The following RASEF variants were observed in gnomAD, a reference collection of about 807,000 sequenced individuals.
The protein encoded by RASEF is ras and EF-hand domain-containing protein.
RASEF carries 68 observed loss-of-function variants against 90.1 expected under a neutral mutation model. The ratio of observed to expected loss-of-function variants is 0.75; its 90% confidence interval spans 0.62 to 0.92. The LOEUF (loss-of-function observed/expected upper bound fraction) is 0.92, where lower values mean the gene tolerates loss of function less well. Ranked by LOEUF, RASEF falls within the 40% of genes least tolerant of loss-of-function variation. The probability of loss-of-function intolerance (pLI) is 0.00; values close to 1 mark genes in which losing one functional copy is unlikely to be tolerated. For synonymous variants in RASEF, 331 were observed against 345.2 expected (o/e 0.96, Z 0.46); for missense variants, 949 against 937.2 (o/e 1.01, Z -0.16).
chr9:83,025,741 C>A (rs1829532835), intron 2 of RASEF, 34 bp downstream of exon 2: 1 of 1,605,312 alleles, frequency 6.2e-7, no homozygotes, highest in African/African-American at 1.3e-5. Flanking sequence ...GTTAAAGCAC[C>A]CACAGGCCAC....
At chr9:83,012,059 CG>C (rs1019617957) in intron 5 of RASEF, among the ~76,000 whole-genome samples, 6 of 150,338 alleles carry the variant, frequency 4.0e-5, no homozygotes, top group Non-Finnish European at 8.9e-5. Context: ...ATGTGGCTGG[CG>C]TAAGATGGAA....
the RASEF span, among the ~76,000 whole-genome samples, chr9:83,180,251 G>A: frequency 1.3e-5 from 2 of 152,070 alleles, no homozygotes; most frequent in African/African-American, 2.4e-5. Context: ...TATTAGGATA[G>A]TTAAAAATAA....
chr9:83,181,484 A>G, the RASEF span, among the ~76,000 whole-genome samples: 1 of 152,192 alleles, frequency 6.6e-6, no homozygotes, highest in Non-Finnish European at 1.5e-5. Context: ...TGCGATTCCC[A>G]TTAGACAGAT....
chr9:83,139,064 G>A, the RASEF span, among the ~76,000 whole-genome samples: 42 of 152,204 alleles, frequency 2.8e-4, no homozygotes, highest in Admixed American at 9.8e-4. Flanking sequence ...TTCCCAGTTT[G>A]TGTCTTCCTG....
At chr9:83,089,960 A>C in the RASEF span, among the ~76,000 whole-genome samples, 1 of 152,154 alleles carries the variant, frequency 6.6e-6, no homozygotes, top group Non-Finnish European at 1.5e-5. Context: ...AGATATATAG[A>C]TATAGATAGA....
chr9:83,101,193 C>A, the RASEF span, among the ~76,000 whole-genome samples: 3 of 152,120 alleles, frequency 2.0e-5, no homozygotes, highest in Non-Finnish European at 4.4e-5. Context: ...ACATGGAGAC[C>A]ACTGAAAAAG....
At chr9:83,116,104 G>T in the RASEF span, among the ~76,000 whole-genome samples, 1 of 152,154 alleles carries the variant, frequency 6.6e-6, no homozygotes, top group Non-Finnish European at 1.5e-5. Flanking sequence ...TTCATTTCCA[G>T]TTTTATCATT....
At chr9:83,005,318 C>T (rs1180603983) in intron 8 of RASEF, 98 bp downstream of exon 8, 1 of 843,780 alleles carries the variant, frequency 1.2e-6, no homozygotes, top group Non-Finnish European at 2.0e-6. Context: ...TAAGGACTTA[C>T]TTGAGGCTCT....
the RASEF span, among the ~76,000 whole-genome samples, chr9:83,196,768 TC>T: frequency 2.2e-4 from 34 of 152,196 alleles, no homozygotes; most frequent in African/African-American, 8.0e-4. Flanking sequence ...AATTATTGAC[TC>T]CCTAAATTTC....
rs570889525 is a variant in RASEF, at chr9:82,991,359, G to A, written c.2041-892C>T. The stretch of plus-strand genomic sequence containing the variant: ...GGACTTCCCATCATAAACTTTCATA[G>A]CACTCTGCGATCCTCATGCACAGCA... On this transcript the variant is annotated intron_variant, in intron 15 of 16. Coordinates refer to ENST00000376447, the MANE Select transcript of RASEF (RefSeq NM_152573.4). Among the ~76,000 whole-genome samples the A allele has an allele frequency of 1.2e-3, 183 of 152,262 alleles. 1 individual carries two copies. Among genetic ancestry groups the A allele is most frequent in the African/African-American group, 4.3e-3 (180 of 41,538 alleles).
At chr9:83,128,025 C>CTTTTTTTTTTTTTTTTTTTTTTTTTT in the RASEF span, among the ~76,000 whole-genome samples, 1 of 134,724 alleles carries the variant, frequency 7.4e-6, no homozygotes, top group Non-Finnish European at 1.6e-5. Context: ...TTTTTCTTTT[C>CTTTTTTTTTTTTTTTTTTTTTTTTTT]TTTTTTTTTT....
chr9:83,145,503 A>G, the RASEF span, among the ~76,000 whole-genome samples: 4 of 152,056 alleles, frequency 2.6e-5, no homozygotes, highest in African/African-American at 9.7e-5. Flanking sequence ...ATTTATTTCA[A>G]TACTAAAAAG....
At chr9:83,054,521 G>A (rs1314683707) in intron 1 of RASEF, 3 of 140,826 alleles carry the variant, frequency 2.1e-5, no homozygotes, top group South Asian at 2.3e-4. Flanking sequence ...TAATTTGATC[G>A]TCTGAAGCCT....
chr9:83,059,739 T>C (rs1012632327), intron 1 of RASEF, among the ~76,000 whole-genome samples: 1 of 152,100 alleles, frequency 6.6e-6, no homozygotes, highest in African/African-American at 2.4e-5. Flanking sequence ...GCTGACCTTA[T>C]CAAACTGACC....
chr9:83,150,435 C>A, the RASEF span, among the ~76,000 whole-genome samples: 1 of 152,092 alleles, frequency 6.6e-6, no homozygotes, highest in Admixed American at 6.6e-5. Flanking sequence ...ACAAAGGACA[C>A]TTCTATCACT....
chr9:83,217,938 T>A, the RASEF span, among the ~76,000 whole-genome samples: 1 of 152,182 alleles, frequency 6.6e-6, no homozygotes, highest in Non-Finnish European at 1.5e-5. Flanking sequence ...ATCCAATAAA[T>A]GCAAAAACTC....
chr9:83,153,920 G>A, the RASEF span, among the ~76,000 whole-genome samples: 1 of 152,196 alleles, frequency 6.6e-6, no homozygotes, highest in Non-Finnish European at 1.5e-5. Context: ...GTACCTGACA[G>A]TTGTCAAACA....
the RASEF span, among the ~76,000 whole-genome samples, chr9:83,158,207 T>A: frequency 1.3e-5 from 2 of 152,168 alleles, no homozygotes; most frequent in Non-Finnish European, 2.9e-5. Flanking sequence ...AAGGATTATT[T>A]TCTTCATCCA....
At chr9:83,008,891 C>CAT (rs56810511) in intron 6 of RASEF, among the ~76,000 whole-genome samples, 1,689 of 19,294 alleles carry the variant, frequency 0.088, 125 homozygotes, top group Admixed American at 0.1. Context: ...AAGTTCTCAT[C>CAT]ATATATATAT....
Sources: allele counts gnomAD v4.1 joint callset (sites outside exome capture counted in the v4.1 genomes callset), GRCh38; gene constraint gnomAD v4.1.1; transcripts MANE v1.5; gene names NCBI Gene and HGNC (gene_info 2026-07-23, HGNC 2026-07-21).